Variants in NALCN observed in about 807,000 individuals in gnomAD.
NALCN encodes sodium leak channel NALCN.
In NALCN, 111 loss-of-function variants were observed where a neutral mutation model predicts 225.3. That is an observed-to-expected ratio of 0.49 (90% confidence interval 0.42 to 0.58). NALCN has a LOEUF of 0.58. Among genes scored for constraint, NALCN ranks in the 20% least tolerant of loss-of-function variants. NALCN has a pLI of 0.00. For missense variants in NALCN, 1,378 were observed against 2,202.4 expected, an observed-to-expected ratio of 0.63 and a Z score of 7.49; for synonymous variants, 764 against 769.0, an observed-to-expected ratio of 0.99 and a Z score of 0.11.
chr13:101,239,836 A>C (rs767510455), intron 11 of NALCN, among the ~76,000 whole-genome samples: 61 of 152,136 alleles, frequency 4.0e-4, no homozygotes, highest in Non-Finnish European at 3.4e-4. Flanking sequence ...AAAATATTAT[A>C]AGAAATCATT....
intron 6 of NALCN, among the ~76,000 whole-genome samples, chr13:101,345,940 C>CT (rs2045712815): frequency 6.8e-6 from 1 of 147,232 alleles, no homozygotes; most frequent in African/African-American, 2.5e-5. Context: ...GATCATTTGG[C>CT]TTACATATAA....
rs1218718860 is a variant in NALCN, at chr13:101,089,158, A to G, written c.3489+505T>C. Among the ~76,000 whole-genome samples, 1 of 152,162 alleles carries G rather than the reference A, an allele frequency of 6.6e-6. No homozygotes were observed. Among genetic ancestry groups the G allele is most frequent in the African/African-American group, 2.4e-5 (1 of 41,458 alleles). ...AGTGATCCACCCGCCTTGGCCTCCC[A>G]AAGTGCTGGGATTACAGGCGTGAGC... is the stretch of plus-strand genomic sequence containing the variant. On this transcript the variant is annotated intron_variant, in intron 30 of 43. Coordinates refer to ENST00000251127, the MANE Select transcript of NALCN (RefSeq NM_052867.4). The surrounding 1 kb of genome is among the most constrained non-coding windows in gnomAD (Gnocchi z 4.7).
intron 14 of NALCN, among the ~76,000 whole-genome samples, chr13:101,184,527 A>T (rs1013936084): frequency 3.3e-5 from 5 of 151,908 alleles, no homozygotes; most frequent in African/African-American, 1.2e-4. Flanking sequence ...AGATATATTT[A>T]TTTTTTTTCT....
intron 33 of NALCN, 60 bp from the exon 34 acceptor site, chr13:101,081,706 A>G (rs2033662034): frequency 4.4e-6 from 7 of 1,585,216 alleles, no homozygotes; most frequent in Non-Finnish European, 5.1e-6. Flanking sequence ...ATTTAAATGT[A>G]TTAACTTGAG....
intron 28 of NALCN, among the ~76,000 whole-genome samples, chr13:101,090,312 C>T (rs149256188): frequency 6.6e-6 from 1 of 152,290 alleles, no homozygotes; most frequent in African/African-American, 2.4e-5. Context: ...CCTGATTACC[C>T]TGAGGACTGG....
chr13:101,146,129 G>A (rs938547111), intron 15 of NALCN, among the ~76,000 whole-genome samples: 7 of 152,176 alleles, frequency 4.6e-5, no homozygotes, highest in African/African-American at 1.7e-4. Flanking sequence ...GTGAGCTCAT[G>A]ATGAGATTAT....
At chr13:101,324,065 CATT>C (rs2044853888) in intron 7 of NALCN, among the ~76,000 whole-genome samples, 2 of 152,054 alleles carry the variant, frequency 1.3e-5, no homozygotes, top group Non-Finnish European at 2.9e-5. Flanking sequence ...AGAAAATATG[CATT>C]ATTAGTATAA....
intron 6 of NALCN, among the ~76,000 whole-genome samples, chr13:101,374,271 T>C (rs1566627946): frequency 1.3e-5 from 2 of 149,330 alleles, no homozygotes; most frequent in African/African-American, 2.5e-5. Flanking sequence ...TAAATTTCTT[T>C]CTTTTTTTTT....
chr13:101,362,103 A>G (rs2046267091), intron 6 of NALCN, among the ~76,000 whole-genome samples: 1 of 152,028 alleles, frequency 6.6e-6, no homozygotes, highest in African/African-American at 2.4e-5. Flanking sequence ...AAAGAGATAT[A>G]TAGATAGTAC....
At chr13:101,244,411 T>G (rs1157439790) in intron 11 of NALCN, among the ~76,000 whole-genome samples, 1 of 152,210 alleles carries the variant, frequency 6.6e-6, no homozygotes, top group Non-Finnish European at 1.5e-5. Flanking sequence ...GAAAATGATA[T>G]TCTTTTGAAA....
At chr13:101,320,904 G>A (rs72654842) in intron 7 of NALCN, among the ~76,000 whole-genome samples, 5,293 of 152,038 alleles carry the variant, frequency 0.035, 134 homozygotes, top group South Asian at 0.063. Context: ...TTTTTCCATT[G>A]TAATAATACT....
intron 15 of NALCN, among the ~76,000 whole-genome samples, chr13:101,161,020 G>A (rs773781051): frequency 6.6e-6 from 1 of 152,188 alleles, no homozygotes; most frequent in African/African-American, 2.4e-5. Context: ...CTTCCTCAAG[G>A]CTCCAGCATA....
chr13:101,159,036 A>G (rs1418515591), intron 15 of NALCN, among the ~76,000 whole-genome samples: 2 of 152,204 alleles, frequency 1.3e-5, no homozygotes, highest in Non-Finnish European at 2.9e-5. Context: ...GATCCAGTTA[A>G]AAATATGTTG....
At chr13:101,415,228 T>TACACAC (rs1555349521) in intron 1 of NALCN, among the ~76,000 whole-genome samples, 2 of 129,236 alleles carry the variant, frequency 1.5e-5, no homozygotes, top group Non-Finnish European at 3.3e-5. Flanking sequence ...TATATATACA[T>TACACAC]ACATATATAT....
chr13:101,151,257 A>G (rs960268759), intron 15 of NALCN, among the ~76,000 whole-genome samples: 4 of 152,238 alleles, frequency 2.6e-5, no homozygotes, highest in Non-Finnish European at 4.4e-5. Context: ...GTTCTGCCTC[A>G]TCGCTTAAAT....
At chr13:101,130,473 G>T (rs1358745508) in intron 17 of NALCN, among the ~76,000 whole-genome samples, 1 of 152,150 alleles carries the variant, frequency 6.6e-6, no homozygotes, top group African/African-American at 2.4e-5. Context: ...GTCCCTTTTG[G>T]AGTTCATTTA....
intron 15 of NALCN, among the ~76,000 whole-genome samples, chr13:101,161,138 G>T (rs2038163234): frequency 1.3e-5 from 2 of 152,262 alleles, no homozygotes; most frequent in South Asian, 2.1e-4. Flanking sequence ...AGTCATTTTT[G>T]TCTGTTCTGT....
chr13:101,169,481 A>G (rs1215966026), intron 15 of NALCN, among the ~76,000 whole-genome samples: 1 of 152,106 alleles, frequency 6.6e-6, no homozygotes, highest in African/African-American at 2.4e-5. Context: ...AAATCACACA[A>G]CCTTTCTCGC....
chr13:101,159,149 T>C (rs974446842), intron 15 of NALCN, among the ~76,000 whole-genome samples: 2 of 152,194 alleles, frequency 1.3e-5, no homozygotes, highest in African/African-American at 4.8e-5. Context: ...ATTAAGTAAA[T>C]GGCAAGGAAT....
Sources: allele counts gnomAD v4.1 joint callset (sites outside exome capture counted in the v4.1 genomes callset), GRCh38; gene constraint gnomAD v4.1.1; non-coding constraint Gnocchi (gnomAD v3.1); transcripts MANE v1.5; gene names NCBI Gene and HGNC (gene_info 2026-07-23, HGNC 2026-07-21).